The following ZNF83 variants were observed in gnomAD, a reference collection of about 807,000 sequenced individuals.
ZNF83 encodes the protein zinc finger protein 83.
For missense variants in ZNF83, 552 were observed against 629.9 expected, an observed-to-expected ratio of 0.88 and a Z score of 1.32; for synonymous variants, 209 against 213.0, an observed-to-expected ratio of 0.98 and a Z score of 0.17.
chr19:52,644,074 G>A (rs935575885), intron 3 of ZNF83, among the ~76,000 whole-genome samples: 3 of 152,134 alleles, frequency 2.0e-5, no homozygotes, highest in Non-Finnish European at 4.4e-5. Flanking sequence ...CCCTGCCAGG[G>A]ACTGACATGA....
intron 2 of ZNF83, among the ~76,000 whole-genome samples, chr19:52,657,481 G>A (rs1478290484): frequency 1.3e-5 from 2 of 150,060 alleles, no homozygotes; most frequent in African/African-American, 4.9e-5. Context: ...GTAGTGGTGG[G>A]CTCCCCACTG....
intron 1 of ZNF83, among the ~76,000 whole-genome samples, chr19:52,681,493 T>C (rs2061919851): frequency 1.3e-5 from 2 of 152,148 alleles, no homozygotes; most frequent in Admixed American, 1.3e-4. Flanking sequence ...AATAACATTT[T>C]TGAATGCTTC....
intron 1 of ZNF83, among the ~76,000 whole-genome samples, chr19:52,661,818 C>T (rs979350337): frequency 1.3e-5 from 2 of 152,074 alleles, no homozygotes; most frequent in African/African-American, 4.8e-5. Context: ...TCAAATGGGG[C>T]CTGTGGGAGA....
Position 52,668,161 on chromosome 19 carries a change from C to T in ZNF83, c.-282-7318G>A, listed in dbSNP as rs570988667. Reference sequence around the variant, plus strand: ...TTCGGAGTTTCCAGTACATCAGCATCGGCCTGGGGATGACGTTCTCATCAA... The same window carrying T: ...TTCGGAGTTTCCAGTACATCAGCATTGGCCTGGGGATGACGTTCTCATCAA... On this transcript the variant is annotated intron_variant, in intron 1 of 5. Transcript: ENST00000594682. Among the ~76,000 whole-genome samples, 69 of 152,226 alleles carry T rather than the reference C, an allele frequency of 4.5e-4. 1 individual carries two copies. The highest frequency in any genetic ancestry group is 3.4e-3 in the Middle Eastern group (1 of 294).
chr19:52,660,378 T>C (rs765833464), intron 2 of ZNF83, among the ~76,000 whole-genome samples: 15 of 151,502 alleles, frequency 9.9e-5, no homozygotes, highest in Non-Finnish European at 2.1e-4. Context: ...TTAGCAACAG[T>C]GAAAAACTGT....
intron 1 of ZNF83, among the ~76,000 whole-genome samples, chr19:52,680,492 A>G (rs2061888911): frequency 6.6e-6 from 1 of 152,194 alleles, no homozygotes; most frequent in Non-Finnish European, 1.5e-5. Context: ...CAAAATGAGA[A>G]AAGAGAAAAT....
At chr19:52,640,068 T>C (rs2061279085), upstream of ZNF83, among the ~76,000 whole-genome samples, 1 of 152,222 alleles carries the variant, frequency 6.6e-6, no homozygotes, top group African/African-American at 2.4e-5. Context: ...TGTCAGCTAA[T>C]TAGCTTCATC....
chr19:52,629,867 C>A (rs1303377811), intron 2 of ZNF83, among the ~76,000 whole-genome samples: 1 of 152,196 alleles, frequency 6.6e-6, no homozygotes, highest in Non-Finnish European at 1.5e-5. Flanking sequence ...GCCCTCAAAC[C>A]CCACAACAGG....
Position 52,620,254 on chromosome 19 carries a change from C to CTGTGTGTGTATATCTCTGTGTGTGTG in ZNF83, c.-233-5483_-233-5458dup, listed in dbSNP as rs1555780599. ...TATATGTATATATGTGTGTGTATAT[C>CTGTGTGTGTATATCTCTGTGTGTGTG]TGTGTGTGTATATCTCTGTGTGTGT... On this transcript the variant is annotated intron_variant, in intron 2 of 2. Coordinates refer to ENST00000301096, the Ensembl canonical transcript of ZNF83. Among the ~76,000 whole-genome samples, 380 of 134,430 alleles carry CTGTGTGTGTATATCTCTGTGTGTGTG rather than the reference C, an allele frequency of 2.8e-3. 2 individuals carry two copies. The highest frequency in any genetic ancestry group is 0.019 in the Middle Eastern group (5 of 270). 88.2% of individuals were successfully genotyped at this position (134,430 alleles called of 152,430 possible). A position where few individuals can be genotyped will look rare whatever the true frequency, so the allele number is the denominator to read the frequency against.
At chr19:52,653,142 G>T in intron 3 of ZNF83, 1 of 1,465,676 alleles carries the variant, frequency 6.8e-7, no homozygotes, top group Non-Finnish European at 9.5e-7. Context: ...ACTCATGACA[G>T]TTGTAAGGTT....
intron 1 of ZNF83, among the ~76,000 whole-genome samples, chr19:52,670,616 A>G (rs1262234583): frequency 1.3e-5 from 2 of 152,196 alleles, no homozygotes; most frequent in African/African-American, 4.8e-5. Context: ...ATTTTAAAAT[A>G]TTTATTCTGC....
At chr19:52,657,555 G>A (rs1047846722) in intron 2 of ZNF83, among the ~76,000 whole-genome samples, 2 of 151,978 alleles carry the variant, frequency 1.3e-5, no homozygotes, top group Non-Finnish European at 2.9e-5. Context: ...TTTTAAAAAA[G>A]GCCAGGCATG....
chr19:52,652,843 C>T lies in ZNF83; in HGVS notation c.-74+2718G>A, dbSNP rs141535389. 5.7e-4 allele frequency: 547 copies of T among 959,074 alleles called. 2 individuals carry two copies. In the African/African-American group the frequency reaches 7.7e-3, roughly 13 times the overall value. 59.4% of individuals were successfully genotyped at this position (959,074 alleles called of 1,614,324 possible). On this transcript the variant is annotated intron_variant, in intron 3 of 5. Coordinates refer to the ZNF83 transcript ENST00000594682. Reference sequence around the variant, plus strand: ...TTCTCCAGTATGAAGTCTATGATGGCATACAAAGGATGACATATGACTGAA... The same window carrying T: ...TTCTCCAGTATGAAGTCTATGATGGTATACAAAGGATGACATATGACTGAA...
chr19:52,625,178 C>T lies in ZNF83; in HGVS notation c.-234+9888G>A, dbSNP rs914423260. ...CTATCATTGAGGCTACCACTCTGCC[C>T]CACTCCCACAGCCTCTCAGCAAGCA... is the stretch of plus-strand genomic sequence containing the variant. On this transcript the variant is annotated intron_variant, in intron 2 of 2. Transcript: ENST00000301096. 4.6e-5 allele frequency among the ~76,000 whole-genome samples: 7 copies of T among 152,220 alleles called. No individual in the cohort carries two copies. The South Asian group carries it at 1.2e-3, about 27-fold the overall frequency.
chr19:52,629,670 G>C (rs915483886), intron 2 of ZNF83, among the ~76,000 whole-genome samples: 40 of 152,198 alleles, frequency 2.6e-4, no homozygotes, highest in African/African-American at 9.4e-4. Flanking sequence ...TTCCAAATCA[G>C]ATAACGTTTA....
At chr19:52,673,137 G>A (rs530932268) in intron 1 of ZNF83, among the ~76,000 whole-genome samples, 78 of 152,180 alleles carry the variant, frequency 5.1e-4, no homozygotes, top group African/African-American at 1.8e-3. Flanking sequence ...TAAACCCAGG[G>A]AGCAGAGGTT....
intron 1 of ZNF83, among the ~76,000 whole-genome samples, chr19:52,663,768 T>C (rs541946911): frequency 5.9e-5 from 9 of 152,210 alleles, no homozygotes; most frequent in South Asian, 2.1e-4. Context: ...TTAAAAAATA[T>C]ACATCTAATG....
chr19:52,639,415 A>ATTTTTT (rs1160711365), upstream of ZNF83, among the ~76,000 whole-genome samples: 1,078 of 85,902 alleles, frequency 0.013, 35 homozygotes, highest in African/African-American at 0.026. Flanking sequence ...AGTTTTTTCT[A>ATTTTTT]TTTTTTTTTT....
At chr19:52,665,893 G>A (rs1030748792) in intron 1 of ZNF83, among the ~76,000 whole-genome samples, 1 of 152,016 alleles carries the variant, frequency 6.6e-6, no homozygotes, top group African/African-American at 2.4e-5. Context: ...ATGTGCGGTG[G>A]CTCACACCTG....
Sources: allele counts gnomAD v4.1 joint callset (sites outside exome capture counted in the v4.1 genomes callset), GRCh38; gene constraint gnomAD v4.1.1; transcripts MANE v1.5; gene names NCBI Gene and HGNC (gene_info 2026-07-23, HGNC 2026-07-21).